Variants in MAP1B observed in about 807,000 individuals in gnomAD.
The protein encoded by MAP1B is microtubule associated protein 1B, also known as microtubule-associated protein 1B.
MAP1B carries 12 observed loss-of-function variants against 176.1 expected under a neutral mutation model. The observed-to-expected ratio is 0.07, with a 90% CI of 0.04 to 0.11. MAP1B has a LOEUF of 0.11. Ranked by LOEUF, MAP1B falls within the 10% of genes least tolerant of loss-of-function variation. The probability of loss-of-function intolerance (pLI) is 1.00; values close to 1 mark genes in which losing one functional copy is unlikely to be tolerated. For missense variants in MAP1B, 2,523 were observed against 2,990.5 expected, an observed-to-expected ratio of 0.84 and a Z score of 3.65; for synonymous variants, 1,044 against 1,135.0, an observed-to-expected ratio of 0.92 and a Z score of 1.61.
Position 72,194,819 on chromosome 5 carries a change from G to A in MAP1B, c.1464G>A (p.Leu488=). The part of the protein sequence containing the change: ...ANPAEKIIRV[L]FPGNSTQYNI... Reference sequence around the variant, plus strand: ...CTGCGGAGAAAATCATCCGAGTCCTGTTTCCTGGGAACAGCACCCAGTACA... The same window carrying A: ...CTGCGGAGAAAATCATCCGAGTCCTATTTCCTGGGAACAGCACCCAGTACA... The change falls in exon 5 of 7, where the codon CTG becomes CTA. Residue 488 remains leucine, a synonymous_variant. Coordinates refer to ENST00000296755, the MANE Select transcript of MAP1B (RefSeq NM_005909.5). The surrounding 1 kb of genome is among the most constrained non-coding windows in gnomAD (Gnocchi z 7.2). The A allele has an allele frequency of 6.2e-7, 1 of 1,614,164 alleles. No individual in the cohort carries two copies. Among genetic ancestry groups the A allele is most frequent in the Non-Finnish European group, 8.5e-7 (1 of 1,180,024 alleles).
At chr5:72,115,852 A>C in intron 2 of MAP1B, 53 bp downstream of exon 2, 2 of 1,265,478 alleles carry the variant, frequency 1.6e-6, no homozygotes, top group Non-Finnish European at 2.3e-6. Context: ...GACAAGGAGC[A>C]AGCTAGAAAG....
chr5:72,166,860 G>T (rs75474891), intron 2 of MAP1B, among the ~76,000 whole-genome samples: 82 of 152,308 alleles, frequency 5.4e-4, no homozygotes, highest in African/African-American at 1.8e-3. Context: ...GAAGGGAAGG[G>T]CTGGCTTCTT....
chr5:72,140,024 C>A lies in MAP1B; in HGVS notation c.286+24225C>A, dbSNP rs186931260. On this transcript the variant is annotated intron_variant, in intron 2 of 6. Transcript: ENST00000296755. ...TCACCCAGGCTGGAGTGCAGTGGCGCGGTCTCAGCTCACTGCAACCTCCGC... is the reference window on the plus strand; with the variant it reads ...TCACCCAGGCTGGAGTGCAGTGGCGAGGTCTCAGCTCACTGCAACCTCCGC... Among the ~76,000 whole-genome samples the A allele has an allele frequency of 1.3e-3, 191 of 151,966 alleles. 1 individual carries two copies. Among genetic ancestry groups the A allele is most frequent in the African/African-American group, 4.1e-3 (171 of 41,436 alleles).
At chr5:72,201,322 G>C (rs987872515) in intron 5 of MAP1B, among the ~76,000 whole-genome samples, 1 of 151,884 alleles carries the variant, frequency 6.6e-6, no homozygotes, top group Admixed American at 6.6e-5. Context: ...CAGTGAGCCA[G>C]AATTGTATGT....
intron 1 of MAP1B, among the ~76,000 whole-genome samples, chr5:72,112,984 A>C (rs7728006): frequency 0.03 from 4,562 of 152,272 alleles, 206 homozygotes; most frequent in African/African-American, 0.1. Flanking sequence ...CAGAGAGGGG[A>C]GAATATGGGA....
chr5:72,198,170 A>G lies in MAP1B; in HGVS notation c.4815A>G (p.Glu1605=). The change falls in exon 5 of 7, where the codon GAA becomes GAG. Residue 1605 remains glutamate, a synonymous_variant. Transcript: ENST00000296755. ...CACCTACCACATTCCAGGAAACAGA[A>G]ATGTCTCCATCTAAAGAAGAATGCC... ...VQTPTTFQET[E]MSPSKEECPR... is the part of the protein sequence containing the mutation. 6.2e-7 allele frequency: 1 copy of G among 1,614,198 alleles called. No homozygotes were observed. The highest frequency in any genetic ancestry group is 8.5e-7 in the Non-Finnish European group (1 of 1,180,024).
At chr5:72,202,624 A>C (rs1280694792) in intron 5 of MAP1B, among the ~76,000 whole-genome samples, 2 of 152,224 alleles carry the variant, frequency 1.3e-5, no homozygotes, top group Non-Finnish European at 2.9e-5. Flanking sequence ...TTTAAAAGAC[A>C]GTAGTTCCAG....
intron 2 of MAP1B, among the ~76,000 whole-genome samples, chr5:72,134,922 A>C (rs1745809394): frequency 6.8e-6 from 1 of 148,146 alleles, no homozygotes; most frequent in African/African-American, 2.5e-5. Context: ...CTCATTCCTT[A>C]TGTCTCAGGG....
intron 2 of MAP1B, among the ~76,000 whole-genome samples, chr5:72,137,778 G>A (rs1008715579): frequency 2.2e-4 from 34 of 152,044 alleles, no homozygotes; most frequent in African/African-American, 7.2e-4. Context: ...TTTTCTCCCC[G>A]TTTAAGTAGA....
chr5:72,196,899 C>G lies in MAP1B; in HGVS notation c.3544C>G (p.Pro1182Ala). ...ATACTCTAAACCTGCTGATGTTACA[C>G]CGCTCAACGGATTTTCTGAAGGATC... Reference protein sequence around the residue: ...QEYSKPADVTPLNGFSEGSKT... With the variant: ...QEYSKPADVTALNGFSEGSKT... Residue 1182 changes from proline to alanine, a missense_variant, in exon 5 of 7, where the codon CCG becomes GCG. Transcript: ENST00000296755. The surrounding 1 kb of genome is among the most constrained non-coding windows in gnomAD (Gnocchi z 5.3). 1.2e-6 allele frequency: 2 copies of G among 1,614,208 alleles called. No homozygotes were observed. The highest frequency in any genetic ancestry group is 1.7e-6 in the Non-Finnish European group (2 of 1,180,028).
intron 2 of MAP1B, among the ~76,000 whole-genome samples, chr5:72,157,372 G>A (rs1055198405): frequency 6.6e-6 from 1 of 152,166 alleles, no homozygotes; most frequent in Admixed American, 6.6e-5. Flanking sequence ...TGTCATTGTT[G>A]TTTTAAACAC....
In MAP1B at chr5:72,124,617, C is replaced by T. The variant is rs144735741; in HGVS notation, c.286+8818C>T. Among the ~76,000 whole-genome samples, 284 of 152,278 alleles carry T rather than the reference C, an allele frequency of 1.9e-3. 2 individuals carry two copies. The highest frequency in any genetic ancestry group is 6.2e-3 in the African/African-American group (258 of 41,548). ...GCCTTGCATTCCTGAGGGGTTAAGA[C>T]GAAATATGAACATCCTGAGGACTGT... On this transcript the variant is annotated intron_variant, in intron 2 of 6. Transcript: ENST00000296755.
intron 1 of MAP1B, among the ~76,000 whole-genome samples, chr5:72,109,525 T>A (rs906090680): frequency 6.6e-6 from 1 of 152,160 alleles, no homozygotes; most frequent in Non-Finnish European, 1.5e-5. Flanking sequence ...TTCTGGGAAA[T>A]AGGAATATAT....
intron 2 of MAP1B, among the ~76,000 whole-genome samples, chr5:72,183,366 A>T (rs908451878): frequency 6.6e-6 from 1 of 152,228 alleles, no homozygotes; most frequent in Non-Finnish European, 1.5e-5. Flanking sequence ...AGAAAGGCTG[A>T]TACGGAGAAA....
At chr5:72,174,438 C>T (rs549509732) in intron 2 of MAP1B, among the ~76,000 whole-genome samples, 4 of 152,316 alleles carry the variant, frequency 2.6e-5, no homozygotes, top group South Asian at 2.1e-4. Context: ...GGCCACTCCT[C>T]GTCTTTGAGA....
chr5:72,147,484 G>T lies in MAP1B; in HGVS notation c.286+31685G>T, dbSNP rs571443510. ...AGTGATTAAAAAAAAAAAGAAAGGG[G>T]TCTCTACCCTTATGGGGTAGTGAGA... On this transcript the variant is annotated intron_variant, in intron 2 of 6. Coordinates refer to ENST00000296755, the MANE Select transcript of MAP1B (RefSeq NM_005909.5). Among the ~76,000 whole-genome samples the T allele has an allele frequency of 2.2e-3, 334 of 151,946 alleles. 3 individuals carry two copies. Among genetic ancestry groups the T allele is most frequent in the African/African-American group, 7.9e-3 (329 of 41,412 alleles).
chr5:72,161,577 C>T (rs1244325198), intron 2 of MAP1B, among the ~76,000 whole-genome samples: 1 of 152,168 alleles, frequency 6.6e-6, no homozygotes, highest in Admixed American at 6.5e-5. Context: ...CTTCCTCTGC[C>T]TGTCTTTTCT....
At chr5:72,120,659 C>G (rs1342474328) in intron 2 of MAP1B, among the ~76,000 whole-genome samples, 1 of 152,006 alleles carries the variant, frequency 6.6e-6, no homozygotes, top group Non-Finnish European at 1.5e-5. Context: ...ATCTCCTGAC[C>G]TCATCATCCG....
At chr5:72,180,587 A>T (rs373236925) in intron 2 of MAP1B, among the ~76,000 whole-genome samples, 1 of 152,256 alleles carries the variant, frequency 6.6e-6, no homozygotes, top group African/African-American at 2.4e-5. Context: ...AGTATTTAGC[A>T]TTCATAATAA....
Sources: gnomAD v4.1 joint callset for allele counts (sites outside exome capture counted in the v4.1 genomes callset) on GRCh38, gnomAD v4.1.1 for gene constraint, Gnocchi (gnomAD v3.1) non-coding constraint, MANE v1.5 for transcripts, NCBI Gene and HGNC (gene_info 2026-07-23, HGNC 2026-07-21) for gene names.